VPS13B: variants seen among roughly 807,000 people sequenced by gnomAD.
VPS13B encodes the protein intermembrane lipid transfer protein VPS13B.
Under a neutral mutation model 426.4 loss-of-function variants are expected in VPS13B, and 285 were observed. The observed-to-expected ratio is 0.67, with a 90% CI of 0.61 to 0.74. VPS13B has a LOEUF of 0.74. Ranked by LOEUF, VPS13B falls within the 30% of genes least tolerant of loss-of-function variation. The pLI, the probability that VPS13B is intolerant of heterozygous loss-of-function variation, is 0.00. For synonymous variants in VPS13B, 1,676 were observed against 1,676.4 expected (o/e 1.00, Z 0.01); for missense variants, 4,537 against 4,782.6 (o/e 0.95, Z 1.51).
intron 19 of VPS13B, among the ~76,000 whole-genome samples, chr8:99,308,823 C>T (rs1239368829): frequency 2.6e-5 from 4 of 152,088 alleles, no homozygotes; most frequent in African/African-American, 9.7e-5. Flanking sequence ...CCTATTTCTC[C>T]ACATCCTCTC....
intron 19 of VPS13B, among the ~76,000 whole-genome samples, chr8:99,337,124 C>A (rs1162906891): frequency 6.6e-6 from 1 of 151,958 alleles, no homozygotes; most frequent in Non-Finnish European, 1.5e-5. Flanking sequence ...AAATGTCCAA[C>A]AACGATAGAC....
intron 47 of VPS13B, 91 bp downstream of exon 47, chr8:99,818,979 G>GGGGGGGGGGGGGGGGGGT: frequency 2.4e-6 from 2 of 839,430 alleles, no homozygotes; most frequent in South Asian, 3.0e-5. Context: ...CGGGGGAGGG[G>GGGGGGGGGGGGGGGGGGT]TGGGTAGGGA....
At chr8:99,335,661 CAA>C (rs1276469786) in intron 19 of VPS13B, among the ~76,000 whole-genome samples, 1 of 152,136 alleles carries the variant, frequency 6.6e-6, no homozygotes, top group Admixed American at 6.5e-5. Flanking sequence ...GCAACTTCAG[CAA>C]AGTCTCAGGA....
At chr8:99,541,562 T>C (rs988676790) in intron 30 of VPS13B, among the ~76,000 whole-genome samples, 1 of 152,184 alleles carries the variant, frequency 6.6e-6, no homozygotes, top group African/African-American at 2.4e-5. Flanking sequence ...TGTGTTCTCA[T>C]TGTTCAACTC....
intron 21 of VPS13B, among the ~76,000 whole-genome samples, chr8:99,406,700 G>T (rs1260893244): frequency 6.6e-6 from 1 of 152,192 alleles, no homozygotes; most frequent in Admixed American, 6.5e-5. Context: ...GTGCTAGTGG[G>T]TTGGGGAATT....
chr8:99,509,529 A>C (rs1049232091), intron 28 of VPS13B, among the ~76,000 whole-genome samples: 1 of 152,140 alleles, frequency 6.6e-6, no homozygotes, highest in Non-Finnish European at 1.5e-5. Flanking sequence ...TTTTCCTCTC[A>C]CCATGTCAGT....
In VPS13B at chr8:99,859,440, C is replaced by T. The variant is rs1816715303; in HGVS notation, c.11004C>T (p.Val3668=). 1.2e-6 allele frequency: 2 copies of T among 1,614,048 alleles called. No homozygotes were observed. Among genetic ancestry groups the T allele is most frequent in the East Asian group, 2.2e-5 (1 of 44,868 alleles). ...TRGPGAFVSG[V]SRGTTSFVKH... ...GCCCTGGAGCCTTCGTGAGTGGCGT[C>T]TCCAGAGGGACCACATCGTTTGTAA... The change falls in exon 57 of 62, where the codon GTC becomes GTT. Residue 3668 remains valine, a synonymous_variant. Coordinates refer to ENST00000357162, the MANE Select transcript of VPS13B (RefSeq NM_152564.5).
chr8:99,526,102 T>TG (rs891932816), intron 30 of VPS13B, among the ~76,000 whole-genome samples: 10 of 104,754 alleles, frequency 9.5e-5, no homozygotes, highest in African/African-American at 2.2e-4. Flanking sequence ...CAGAAAGAAA[T>TG]GGGGGGGTGG....
intron 21 of VPS13B, among the ~76,000 whole-genome samples, chr8:99,427,440 A>G (rs917744973): frequency 6.6e-6 from 1 of 150,560 alleles, no homozygotes; most frequent in Admixed American, 6.7e-5. Flanking sequence ...GTTTTTTCCA[A>G]TTCTGTGAAG....
intron 17 of VPS13B, among the ~76,000 whole-genome samples, chr8:99,213,913 A>G (rs983842794): frequency 2.0e-5 from 3 of 151,472 alleles, no homozygotes; most frequent in Admixed American, 2.0e-4. Context: ...AGACTCCCAT[A>G]AGTTCTGCAG....
At chr8:99,823,599 A>G (rs889006717) in intron 50 of VPS13B, among the ~76,000 whole-genome samples, 1 of 152,236 alleles carries the variant, frequency 6.6e-6, no homozygotes, top group African/African-American at 2.4e-5. Flanking sequence ...ACTACAGAAC[A>G]GCAGCAAAAG....
At chr8:99,735,766 G>T (rs1463462514) in intron 39 of VPS13B, among the ~76,000 whole-genome samples, 2 of 152,216 alleles carry the variant, frequency 1.3e-5, no homozygotes, top group African/African-American at 4.8e-5. Flanking sequence ...TGTCAGGAAA[G>T]CCCAGGCATA....
intron 21 of VPS13B, among the ~76,000 whole-genome samples, chr8:99,416,227 C>T (rs1563717741): frequency 6.6e-6 from 1 of 152,122 alleles, no homozygotes; most frequent in South Asian, 2.1e-4. Flanking sequence ...TGGGGAAAAT[C>T]ACCTATTCAA....
intron 44 of VPS13B, among the ~76,000 whole-genome samples, chr8:99,809,861 G>C (rs1813607889): frequency 6.6e-6 from 1 of 152,218 alleles, no homozygotes; most frequent in African/African-American, 2.4e-5. Flanking sequence ...AGAAGGAAAA[G>C]AAGCAAAGAG....
At chr8:99,213,328 ATAAT>A (rs1447252452) in intron 17 of VPS13B, among the ~76,000 whole-genome samples, 9 of 152,174 alleles carry the variant, frequency 5.9e-5, no homozygotes, top group Non-Finnish European at 7.3e-5. Context: ...AATAAATATA[ATAAT>A]TAGTTTTAAT....
rs566659344 is a variant in VPS13B, at chr8:99,742,406, G to A, written c.7050+21359G>A. 1.2e-4 allele frequency among the ~76,000 whole-genome samples: 18 copies of A among 152,270 alleles called. No homozygotes were observed. In the South Asian group the frequency reaches 1.2e-3, roughly 11 times the overall value. On this transcript the variant is annotated intron_variant, in intron 39 of 61. Coordinates refer to ENST00000357162, the MANE Select transcript of VPS13B (RefSeq NM_152564.5). Reference sequence around the variant, plus strand: ...AATTCTACCAGAGGTACAAGGAGGAGCTGGTACCATTCCTTCTGAAACTAT... The same window carrying A: ...AATTCTACCAGAGGTACAAGGAGGAACTGGTACCATTCCTTCTGAAACTAT...
At chr8:99,106,434 C>CAAAAAAAAAAAAAAAAAAAAAACCAAA (rs71273163) in intron 5 of VPS13B, among the ~76,000 whole-genome samples, 3 of 84,022 alleles carry the variant, frequency 3.6e-5, no homozygotes, top group African/African-American at 1.0e-4. Flanking sequence ...GACTCCACCT[C>CAAAAAAAAAAAAAAAAAAAAAACCAAA]AAAAAAAAAA....
intron 61 of VPS13B, 131 bp downstream of exon 61, chr8:99,871,828 A>T: frequency 2.0e-6 from 3 of 1,527,118 alleles, no homozygotes; most frequent in Non-Finnish European, 2.7e-6. Flanking sequence ...GAGAGCTGCT[A>T]CCCAGAGGAG....
intron 15 of VPS13B, among the ~76,000 whole-genome samples, chr8:99,168,217 C>G (rs1358685066): frequency 1.3e-5 from 2 of 152,004 alleles, no homozygotes; most frequent in Non-Finnish European, 2.9e-5. Context: ...TGAATGTTTT[C>G]TTAGAAGCAT....
Sources: gnomAD v4.1 joint callset for allele counts (sites outside exome capture counted in the v4.1 genomes callset) on GRCh38, gnomAD v4.1.1 for gene constraint, MANE v1.5 for transcripts, NCBI Gene and HGNC (gene_info 2026-07-23, HGNC 2026-07-21) for gene names.